Variants in RHBDL2 observed in about 807,000 individuals in gnomAD.
The protein encoded by RHBDL2 is rhomboid like 2, also known as rhomboid-related protein 2.
RHBDL2 carries 26 observed loss-of-function variants against 31.7 expected under a neutral mutation model. The observed-to-expected ratio is 0.82, with a 90% CI of 0.60 to 1.14. The LOEUF is 1.14. Ranked by LOEUF, RHBDL2 falls within the 50% of genes most tolerant of loss-of-function variation. The probability of loss-of-function intolerance (pLI) is 0.00; values close to 1 mark genes in which losing one functional copy is unlikely to be tolerated. For synonymous variants in RHBDL2, 123 were observed against 127.2 expected, an observed-to-expected ratio of 0.97 and a Z score of 0.22; for missense variants, 336 against 364.4, an observed-to-expected ratio of 0.92 and a Z score of 0.63.
At chr1:38,904,991 A>G (rs1475458470) in intron 4 of RHBDL2, among the ~76,000 whole-genome samples, 1 of 150,492 alleles carries the variant, frequency 6.6e-6, no homozygotes, top group Admixed American at 6.6e-5. Context: ...AGATCGCGCC[A>G]CTGCACTCCA....
intron 6 of RHBDL2, among the ~76,000 whole-genome samples, chr1:38,890,116 C>T (rs1030624725): frequency 6.6e-6 from 1 of 151,690 alleles, no homozygotes; most frequent in Non-Finnish European, 1.5e-5. Flanking sequence ...CAGCTCACTG[C>T]AACCTCCACC....
intron 1 of RHBDL2, among the ~76,000 whole-genome samples, chr1:38,920,231 G>A (rs965260282): frequency 4.3e-5 from 6 of 139,816 alleles, no homozygotes; most frequent in Non-Finnish European, 9.0e-5. Context: ...CCAGTGGTGC[G>A]ATCTCGGCTC....
chr1:38,913,052 G>A (rs558391095), intron 3 of RHBDL2, among the ~76,000 whole-genome samples: 45 of 148,640 alleles, frequency 3.0e-4, no homozygotes, highest in Admixed American at 1.0e-3. Context: ...GCGCGATCTC[G>A]GCTCACTGCA....
intron 4 of RHBDL2, among the ~76,000 whole-genome samples, chr1:38,905,534 G>C (rs1463286661): frequency 6.6e-6 from 1 of 151,290 alleles, no homozygotes; most frequent in African/African-American, 2.4e-5. Flanking sequence ...TGAATTACTT[G>C]AGGCCAGGAG....
intron 1 of RHBDL2, among the ~76,000 whole-genome samples, chr1:38,920,788 T>G (rs74527961): frequency 1.1e-4 from 16 of 147,026 alleles, no homozygotes; most frequent in Non-Finnish European, 2.1e-4. Flanking sequence ...TTTTTTTTTT[T>G]GTATTTTTAG....
At chr1:38,911,651 C>T (rs1050611604) in intron 3 of RHBDL2, among the ~76,000 whole-genome samples, 6 of 142,116 alleles carry the variant, frequency 4.2e-5, no homozygotes, top group Non-Finnish European at 7.6e-5. Context: ...TGTGTGCGCG[C>T]GCGCGCGCGT....
At chr1:38,928,469 A>G (rs1262253171) in intron 1 of RHBDL2, among the ~76,000 whole-genome samples, 4 of 147,772 alleles carry the variant, frequency 2.7e-5, no homozygotes, top group Non-Finnish European at 5.9e-5. Flanking sequence ...GTTTTGAGAC[A>G]GAGTTTCGCT....
chr1:38,905,589 G>T, intron 4 of RHBDL2, among the ~76,000 whole-genome samples: 1 of 141,442 alleles, frequency 7.1e-6, no homozygotes, highest in East Asian at 2.1e-4. Flanking sequence ...GTCTCTACAG[G>T]AAAAAAAAAA....
At chr1:38,893,824 C>G (rs1221100135) in intron 5 of RHBDL2, among the ~76,000 whole-genome samples, 1 of 152,080 alleles carries the variant, frequency 6.6e-6, no homozygotes, top group Non-Finnish European at 1.5e-5. Flanking sequence ...ACTGCAGCCT[C>G]GAACTCCTGG....
At chr1:38,924,021 A>C (rs1570937552) in intron 1 of RHBDL2, among the ~76,000 whole-genome samples, 1 of 152,290 alleles carries the variant, frequency 6.6e-6, no homozygotes, top group Non-Finnish European at 1.5e-5. Context: ...ATGGGTTCTA[A>C]GGATTGGGGA....
intron 6 of RHBDL2, among the ~76,000 whole-genome samples, chr1:38,890,880 G>A (rs947791863): frequency 6.6e-6 from 1 of 151,986 alleles, no homozygotes; most frequent in East Asian, 1.9e-4. Flanking sequence ...TTTTTGTAGA[G>A]ACAGAGTCTC....
chr1:38,896,182 C>T, intron 4 of RHBDL2, 113 bp from the exon 5 acceptor site: 1 of 739,808 alleles, frequency 1.4e-6, no homozygotes, highest in Non-Finnish European at 2.2e-6. Context: ...CATTAGCAAG[C>T]AACAAATCTA....
intron 4 of RHBDL2, among the ~76,000 whole-genome samples, chr1:38,906,066 CAAAA>C (rs771773572): frequency 1.5e-5 from 1 of 68,018 alleles, no homozygotes; most frequent in African/African-American, 4.6e-5. Flanking sequence ...GACTCCAACT[CAAAA>C]AAAAAAAAAA....
intron 1 of RHBDL2, among the ~76,000 whole-genome samples, chr1:38,929,012 A>C (rs1643410787): frequency 6.6e-6 from 1 of 152,166 alleles, no homozygotes; most frequent in African/African-American, 2.4e-5. Flanking sequence ...TCAAGATTGC[A>C]GTGAGCTACA....
At chr1:38,938,096 C>T (rs142939547) in intron 1 of RHBDL2, among the ~76,000 whole-genome samples, 4,909 of 152,032 alleles carry the variant, frequency 0.032, 245 homozygotes, top group African/African-American at 0.11. Flanking sequence ...TGACTCACTA[C>T]AACCTCTGCC....
At chr1:38,886,802 C>A in intron 7 of RHBDL2, 119 bp from the exon 8 acceptor site, 1 of 735,978 alleles carries the variant, frequency 1.4e-6, no homozygotes, top group Non-Finnish European at 2.0e-6. Context: ...TCTTAAAGGT[C>A]TAGAGAACTA....
At chr1:38,904,612 G>C (rs1335875632) in intron 4 of RHBDL2, among the ~76,000 whole-genome samples, 1 of 151,390 alleles carries the variant, frequency 6.6e-6, no homozygotes, top group Non-Finnish European at 1.5e-5. Context: ...ACGATCACTT[G>C]AGCTCAGGAG....
At chr1:38,892,130 C>T (rs1198672747) in intron 6 of RHBDL2, among the ~76,000 whole-genome samples, 1 of 152,148 alleles carries the variant, frequency 6.6e-6, no homozygotes, top group African/African-American at 2.4e-5. Context: ...TTTCAAAAGC[C>T]ACATTAGTCA....
intron 1 of RHBDL2, chr1:38,929,660 G>A (rs954049617): frequency 2.3e-6 from 2 of 869,104 alleles, no homozygotes; most frequent in South Asian, 1.1e-4. Context: ...TGTGCTGGGT[G>A]TAGCCAATTG....
Sources: gnomAD v4.1 joint callset for allele counts (sites outside exome capture counted in the v4.1 genomes callset) on GRCh38, gnomAD v4.1.1 for gene constraint, MANE v1.5 for transcripts, NCBI Gene and HGNC (gene_info 2026-07-23, HGNC 2026-07-21) for gene names.